Variants in PON1 observed in about 807,000 individuals in gnomAD.
PON1 encodes serum paraoxonase/arylesterase 1.
A neutral mutation model predicts 39.2 loss-of-function variants in PON1; 37 were observed. The ratio of observed to expected loss-of-function variants is 0.94; its 90% confidence interval spans 0.73 to 1.24. The LOEUF is 1.24. PON1 is among the 50% of genes most tolerant of loss of function. PON1 has a pLI of 0.00. For missense variants in PON1, 397 were observed against 413.5 expected (o/e 0.96, Z 0.35); for synonymous variants, 148 against 152.2 (o/e 0.97, Z 0.21).
chr7:95,310,140 C>T (rs533786147), intron 5 of PON1, among the ~76,000 whole-genome samples: 2 of 152,210 alleles, frequency 1.3e-5, no homozygotes, highest in African/African-American at 4.8e-5. Context: ...ACAGCTGCAC[C>T]ATTTACTGAT....
At chr7:95,319,933 T>C (rs548441075) in intron 1 of PON1, among the ~76,000 whole-genome samples, 1 of 152,378 alleles carries the variant, frequency 6.6e-6, no homozygotes, top group East Asian at 1.9e-4. Flanking sequence ...AATTCTGTTT[T>C]ATTTATTTTT....
Position 95,316,818 on chromosome 7 carries a change from G to T in PON1, c.146-29C>A, listed in dbSNP as rs545235432. Reference sequence around the variant, plus strand: ...CCAGAAAAGAGAACAGAAAGTACAGGTTGTTTCATATTATTGCAGGATGTG... The same window carrying T: ...CCAGAAAAGAGAACAGAAAGTACAGTTTGTTTCATATTATTGCAGGATGTG... On this transcript the variant is annotated intron_variant, in intron 2 of 8. Transcript: ENST00000222381. The T allele has an allele frequency of 1.1e-5, 18 of 1,580,576 alleles. No homozygotes were observed. In the South Asian group the frequency reaches 1.7e-4, roughly 15 times the overall value.
intron 2 of PON1, 86 bp from the exon 3 acceptor site, chr7:95,316,875 C>T: frequency 2.0e-6 from 2 of 977,520 alleles, no homozygotes; most frequent in South Asian, 2.5e-5. Flanking sequence ...TCACTTGAAA[C>T]TGGGGCTATA....
intron 7 of PON1, 100 bp downstream of exon 7, chr7:95,306,185 C>T: frequency 1.9e-6 from 2 of 1,027,472 alleles, no homozygotes; most frequent in Non-Finnish European, 3.1e-6. Flanking sequence ...TGGTTCTCAC[C>T]CACCCCAATT....
At chr7:95,302,777 A>G (rs1416698608) in intron 7 of PON1, among the ~76,000 whole-genome samples, 1 of 152,234 alleles carries the variant, frequency 6.6e-6, no homozygotes, top group Non-Finnish European at 1.5e-5. Context: ...GGACTCTTTA[A>G]TGGCTAATCA....
intron 8 of PON1, 98 bp downstream of exon 8, chr7:95,302,107 A>AAAAAAAAAAAAAAAAAAAAAAAAAC (rs1807442318): frequency 1.3e-6 from 1 of 796,542 alleles, no homozygotes; most frequent in African/African-American, 1.9e-5. Context: ...AAAAAAAAAA[A>AAAAAAAAAAAAAAAAAAAAAAAAAC]AAAAAAAAAA....
At chr7:95,300,908 A>G (rs1300513930) in intron 8 of PON1, among the ~76,000 whole-genome samples, 1 of 152,194 alleles carries the variant, frequency 6.6e-6, no homozygotes, top group Non-Finnish European at 1.5e-5. Context: ...GCCATTAAAC[A>G]TGATCACAAT....
Position 95,318,386 on chromosome 7 carries a change from G to C in PON1, c.82C>G (p.Leu28Val). 6.2e-7 allele frequency: 1 copy of C among 1,606,752 alleles called. No individual in the cohort carries two copies. The change falls in exon 2 of 9, where the codon CTT becomes GTT. Residue 28 changes from leucine (L) to valine (V), a missense_variant. By Grantham distance (32) the Leu-to-Val change is conservative. Coordinates refer to ENST00000222381, the MANE Select transcript of PON1 (RefSeq NM_000446.7). ...RNHQSSYQTR[L>V]NALREVQPVE... is the part of the protein sequence containing the mutation. Reference sequence around the variant, plus strand: ...GGTTGTACCTCTCGGAGAGCATTAAGTCGTGTTCTGTGGGGGAGAAAGAAA... The same window carrying C: ...GGTTGTACCTCTCGGAGAGCATTAACTCGTGTTCTGTGGGGGAGAAAGAAA...
chr7:95,302,466 C>A (rs1012030995), intron 7 of PON1, 133 bp from the exon 8 acceptor site: 3 of 759,434 alleles, frequency 4.0e-6, no homozygotes, highest in Admixed American at 4.7e-5. Flanking sequence ...ACAATTCTGC[C>A]CCATTTCAAT....
chr7:95,305,148 G>A (rs1190272455), intron 7 of PON1, among the ~76,000 whole-genome samples: 2 of 152,136 alleles, frequency 1.3e-5, no homozygotes, highest in African/African-American at 4.8e-5. Context: ...TCTGAGTGAG[G>A]CCCCTCATGA....
intron 3 of PON1, among the ~76,000 whole-genome samples, chr7:95,316,532 C>A (rs1164440980): frequency 3.3e-5 from 5 of 152,096 alleles, no homozygotes; most frequent in Non-Finnish European, 7.4e-5. Context: ...TCAATGTAGA[C>A]CGAAGAACAC....
intron 1 of PON1, among the ~76,000 whole-genome samples, chr7:95,322,330 A>C (rs939919422): frequency 2.2e-4 from 28 of 124,898 alleles, no homozygotes; most frequent in African/African-American, 8.8e-4. Flanking sequence ...AAATATATGT[A>C]TGTGTGTGTG....
Position 95,308,144 on chromosome 7 carries a change from G to A in PON1, c.565C>T (p.Pro189Ser), listed in dbSNP as rs1251678822. The A allele has an allele frequency of 1.9e-6, 3 of 1,613,994 alleles. No individual in the cohort carries two copies. The highest frequency in any genetic ancestry group is 2.5e-6 in the Non-Finnish European group (3 of 1,179,974). The change falls in exon 6 of 9, where the codon CCC becomes TCC. Residue 189 changes from proline to serine, a missense_variant. By Grantham distance (74) the Pro-to-Ser change is moderately conservative. Coordinates refer to ENST00000222381, the MANE Select transcript of PON1 (RefSeq NM_000446.7). ...TACATCTCCCAGGATTGTAAGTAGG[G>A]GTCAAGAAAATAGTGATCATTTGTG... ...YGTNDHYFLD[P>S]YLQSWEMYLG...
In PON1 at chr7:95,302,123, C is replaced by CAAAAAAAAAAAAAAAAAAAAAA. The variant is rs1198986302; in HGVS notation, c.909+81_909+82insTTTTTTTTTTTTTTTTTTTTTT. 1.5e-5 allele frequency: 7 copies of CAAAAAAAAAAAAAAAAAAAAAA among 460,362 alleles called. No individual in the cohort carries two copies. The East Asian group carries it at 4.5e-4, about 30-fold the overall frequency. The allele number at this position is 460,362 out of a possible 1,614,324, so 28.5% of individuals were successfully genotyped here. A position where few individuals can be genotyped will look rare whatever the true frequency, so the allele number is the denominator to read the frequency against. On this transcript the variant is annotated intron_variant, in intron 8 of 8. Transcript: ENST00000222381. ...AAAAAAAAAAAAAAAAAAAAAAAACCAAGAATTGAGAATTATGTTGTCAAC... is the reference window on the plus strand; with the variant it reads ...AAAAAAAAAAAAAAAAAAAAAAAACCAAAAAAAAAAAAAAAAAAAAAAAAGAATTGAGAATTATGTTGTCAAC...
At chr7:95,321,388 G>A (rs1052335790) in intron 1 of PON1, among the ~76,000 whole-genome samples, 3 of 152,148 alleles carry the variant, frequency 2.0e-5, no homozygotes, top group Non-Finnish European at 4.4e-5. Context: ...TAAGAAATCC[G>A]TATCGATTCT....
intron 6 of PON1, among the ~76,000 whole-genome samples, chr7:95,307,168 C>A (rs1479565469): frequency 2.0e-5 from 3 of 151,796 alleles, no homozygotes; most frequent in Non-Finnish European, 4.4e-5. Flanking sequence ...TCAAGCAATT[C>A]TCCTGCCTGG....
intron 6 of PON1, 26 bp from the exon 7 acceptor site, chr7:95,306,392 A>G: frequency 1.4e-6 from 2 of 1,415,362 alleles, no homozygotes; most frequent in Non-Finnish European, 2.0e-6. Context: ...AGCTACATCA[A>G]AGTACTAGAA....
chr7:95,317,573 C>CAAAAAAAA (rs869140411), intron 2 of PON1, among the ~76,000 whole-genome samples: 99 of 45,848 alleles, frequency 2.2e-3, no homozygotes, highest in Middle Eastern at 0.017. Flanking sequence ...TCTAAAAGAA[C>CAAAAAAAA]AAAAAAAAAA....
In PON1 at chr7:95,324,411, G is replaced by T. The variant is rs745880900; in HGVS notation, c.65C>A (p.Ser22Tyr). ...MGLALFRNHQ[S>Y]SYQTRLNALR... ...CCACAACCCAACTTACTGGTAAGAA[G>T]ACTGGTGGTTCCTGAAGAGTGCCAG... is the stretch of plus-strand genomic sequence containing the variant. The change falls in exon 1 of 9, where the codon TCT (serine) becomes TAT (tyrosine). Residue 22 changes from serine to tyrosine, a missense_variant. Transcript: ENST00000222381. 6.8e-6 allele frequency: 11 copies of T among 1,614,058 alleles called. No homozygotes were observed. The Admixed American group carries it at 1.8e-4, about 27-fold the overall frequency.
Sources: allele counts gnomAD v4.1 joint callset (sites outside exome capture counted in the v4.1 genomes callset), GRCh38; gene constraint gnomAD v4.1.1; transcripts MANE v1.5; gene names NCBI Gene and HGNC (gene_info 2026-07-23, HGNC 2026-07-21).